Variants in SPAG9 observed in about 807,000 individuals in gnomAD.
The protein encoded by SPAG9 is C-Jun-amino-terminal kinase-interacting protein 4.
Under a neutral mutation model 166.5 loss-of-function variants are expected in SPAG9, and 35 were observed. The ratio of observed to expected loss-of-function variants is 0.21; its 90% CI spans 0.16 to 0.28. The LOEUF (loss-of-function observed/expected upper bound fraction) is 0.28, where lower values mean the gene tolerates loss of function less well. SPAG9 is among the 10% of genes least tolerant of loss of function. The probability of loss-of-function intolerance (pLI) is 1.00; values close to 1 mark genes in which losing one functional copy is unlikely to be tolerated. For synonymous variants in SPAG9, 534 were observed against 565.5 expected, an observed-to-expected ratio of 0.94 and a Z score of 0.79; for missense variants, 1,235 against 1,603.3, an observed-to-expected ratio of 0.77 and a Z score of 3.92.
At chr17:50,981,716 CA>C (rs60390444) in intron 25 of SPAG9, among the ~76,000 whole-genome samples, 44,474 of 127,336 alleles carry the variant, frequency 0.35, 6,706 homozygotes, top group Admixed American at 0.42. Context: ...TGTATTGTGA[CA>C]AAAAAAAAAA....
At chr17:50,968,808 C>A (rs555242573) in intron 29 of SPAG9, among the ~76,000 whole-genome samples, 3 of 152,182 alleles carry the variant, frequency 2.0e-5, no homozygotes, top group African/African-American at 7.2e-5. Flanking sequence ...TACTCTTTCA[C>A]GAGCATCAGT....
At chr17:51,032,225 G>A (rs1034717322) in intron 5 of SPAG9, among the ~76,000 whole-genome samples, 1 of 152,074 alleles carries the variant, frequency 6.6e-6, no homozygotes, top group Non-Finnish European at 1.5e-5. Context: ...GCAGTGACAC[G>A]ATCACGGCTT....
chr17:51,001,755 T>C lies in SPAG9; in HGVS notation c.1567A>G (p.Met523Val). 1 of 1,613,262 alleles carries C rather than the reference T, an allele frequency of 6.2e-7. No homozygotes were observed. The highest frequency in any genetic ancestry group is 2.2e-5 in the East Asian group (1 of 44,852). Residue 523 changes from methionine (M) to valine (V), a missense_variant, in exon 13 of 30, where the codon ATG becomes GTG. This residue lies in a region of SPAG9 where 125 missense variants were observed against 194.0 expected (regional missense o/e 0.64). Coordinates refer to ENST00000262013, the MANE Select transcript of SPAG9 (RefSeq NM_001130528.3). ...MERNQYKERL[M>V]ELQEAVRWTE... ...CATCGAACAGCTTCCTGAAGCTCCA[T>C]CAATCTCTCTTTATACTGGTTTCGC...
At chr17:50,977,361 G>C in intron 26 of SPAG9, 140 bp from the exon 27 acceptor site, 2 of 635,744 alleles carry the variant, frequency 3.1e-6, no homozygotes, top group South Asian at 3.5e-5. Flanking sequence ...ACAACACAGA[G>C]GAAATGTGAC....
At chr17:51,055,663 G>C (rs1266983930) in intron 3 of SPAG9, among the ~76,000 whole-genome samples, 1 of 151,954 alleles carries the variant, frequency 6.6e-6, no homozygotes, top group Non-Finnish European at 1.5e-5. Context: ...GGACTAGCAA[G>C]GGGAAAGAGA....
intron 20 of SPAG9, 158 bp from the exon 21 acceptor site, chr17:50,990,030 CAT>C: frequency 1.4e-6 from 1 of 690,276 alleles, no homozygotes; most frequent in African/African-American, 1.8e-5. Flanking sequence ...GTCATTACAG[CAT>C]TTTTTTTTTT....
At chr17:50,989,114 C>G (rs1975316599) in intron 21 of SPAG9, among the ~76,000 whole-genome samples, 1 of 152,058 alleles carries the variant, frequency 6.6e-6, no homozygotes, top group African/African-American at 2.4e-5. Flanking sequence ...TAGTCACACA[C>G]CTGGTAAAAC....
At chr17:51,005,079 T>C (rs1254850120) in intron 12 of SPAG9, 133 bp downstream of exon 12, 2 of 729,378 alleles carry the variant, frequency 2.7e-6, no homozygotes, top group South Asian at 1.8e-5. Context: ...AGCTATCCTA[T>C]TCATGACCAT....
At chr17:51,100,448 T>G (rs1255956346) in intron 1 of SPAG9, among the ~76,000 whole-genome samples, 1 of 152,016 alleles carries the variant, frequency 6.6e-6, no homozygotes, top group Admixed American at 6.6e-5. Context: ...CTACAAAAAT[T>G]ACAAAAATTA....
At chr17:51,113,107 A>AC (rs1488010503) in intron 1 of SPAG9, among the ~76,000 whole-genome samples, 6 of 152,104 alleles carry the variant, frequency 3.9e-5, no homozygotes, top group African/African-American at 1.4e-4. Context: ...TAATCCCAGC[A>AC]CTTTGGGAGG....
rs1478642379 is a variant in SPAG9, at chr17:50,964,940, T to C, written c.*1332A>G. The C allele has an allele frequency of 5.2e-6, 1 of 192,550 alleles. No individual in the cohort carries two copies. Among genetic ancestry groups the C allele is most frequent in the Non-Finnish European group, 1.1e-5 (1 of 89,246 alleles). The allele number at this position is 192,550 out of a possible 1,614,324, so 11.9% of individuals were successfully genotyped here. A position where few individuals can be genotyped will look rare whatever the true frequency, so the allele number is the denominator to read the frequency against. On this transcript the variant is annotated 3_prime_UTR_variant, in exon 30 of 30. Coordinates refer to ENST00000262013, the MANE Select transcript of SPAG9 (RefSeq NM_001130528.3). ...GTTAATTTATTTTGTTTTTTTTTTT[T>C]GGTAGAGACAGGGTTTCGCCATGTT...
intron 9 of SPAG9, among the ~76,000 whole-genome samples, chr17:51,012,722 CTTTATTTAT>C (rs2045539646): frequency 1.4e-5 from 2 of 145,738 alleles, no homozygotes; most frequent in African/African-American, 2.6e-5. Flanking sequence ...TTACTAGATA[CTTTATTTAT>C]TTATTTATTT....
intron 22 of SPAG9, 88 bp downstream of exon 22, chr17:50,987,024 G>T: frequency 2.3e-6 from 3 of 1,306,576 alleles, no homozygotes; most frequent in Non-Finnish European, 3.2e-6. Context: ...CACACTTTTT[G>T]TATTTGTTTA....
chr17:50,990,160 T>C lies in SPAG9; in HGVS notation c.2618-288A>G, dbSNP rs1975413532. ...CTCCTGCCTCAGCCTCCCGAGTAGC[T>C]GGGACTACAGGCACCCGCCACCACG... On this transcript the variant is annotated intron_variant, in intron 20 of 29. Coordinates refer to ENST00000262013, the MANE Select transcript of SPAG9 (RefSeq NM_001130528.3). The C allele has an allele frequency of 5.8e-6, 3 of 518,276 alleles. No homozygotes were observed. The South Asian group carries it at 6.2e-5, about 11-fold the overall frequency. 32.1% of individuals were successfully genotyped at this position (518,276 alleles called of 1,614,324 possible).
intron 1 of SPAG9, among the ~76,000 whole-genome samples, chr17:51,111,794 G>T (rs1266024296): frequency 2.6e-5 from 4 of 151,956 alleles, no homozygotes; most frequent in Non-Finnish European, 1.5e-5. Context: ...GTAGAGACGG[G>T]GTTTCACCAT....
intron 11 of SPAG9, 51 bp downstream of exon 11, chr17:51,006,034 G>C (rs1375970795): frequency 6.3e-7 from 1 of 1,593,358 alleles, no homozygotes; most frequent in African/African-American, 1.3e-5. Flanking sequence ...GTAACCCTTT[G>C]TGGCATAACT....
At chr17:51,042,056 G>C (rs140975450) in intron 4 of SPAG9, among the ~76,000 whole-genome samples, 2 of 152,002 alleles carry the variant, frequency 1.3e-5, no homozygotes, top group African/African-American at 4.8e-5. Context: ...AAATCCTCTC[G>C]CTAATCCCTG....
At chr17:51,102,489 A>G (rs1171681181) in intron 1 of SPAG9, among the ~76,000 whole-genome samples, 1 of 151,912 alleles carries the variant, frequency 6.6e-6, no homozygotes, top group Non-Finnish European at 1.5e-5. Context: ...TTGGCACTTA[A>G]TCTTCATTTG....
At chr17:51,000,003 T>C (rs560371379) in intron 13 of SPAG9, among the ~76,000 whole-genome samples, 8 of 152,354 alleles carry the variant, frequency 5.3e-5, no homozygotes, top group Non-Finnish European at 1.2e-4. Flanking sequence ...GAATGATATT[T>C]AAAATTTTTT....
Sources: allele counts gnomAD v4.1 joint callset (sites outside exome capture counted in the v4.1 genomes callset), GRCh38; gene constraint gnomAD v4.1.1; regional missense constraint gnomAD v4.1.1; transcripts MANE v1.5; gene names NCBI Gene and HGNC (gene_info 2026-07-23, HGNC 2026-07-21).